The following RBFOX1 variants were observed in gnomAD, a reference collection of about 807,000 sequenced individuals.
RBFOX1 encodes RNA binding protein fox-1 homolog 1.
A neutral mutation model predicts 57.7 loss-of-function variants in RBFOX1; 8 were observed. The ratio of observed to expected loss-of-function variants is 0.14; its 90% CI spans 0.08 to 0.25. The LOEUF (loss-of-function observed/expected upper bound fraction) is 0.25. RBFOX1 is among the 10% of genes least tolerant of loss of function. RBFOX1 has a pLI of 1.00. For missense variants in RBFOX1, 611 were observed against 548.5 expected (o/e 1.11, Z -1.14); for synonymous variants, 326 against 222.4 (o/e 1.47, Z -4.15).
chr16:6,012,051 A>G (rs1472538579), intron 4 of RBFOX1, among the ~76,000 whole-genome samples: 1 of 152,224 alleles, frequency 6.6e-6, no homozygotes, highest in East Asian at 1.9e-4. Flanking sequence ...ACCCTGTGCC[A>G]GGCACAACGG....
At chr16:6,239,023 C>T (rs1383011356) in intron 1 of RBFOX1, among the ~76,000 whole-genome samples, 1 of 151,632 alleles carries the variant, frequency 6.6e-6, no homozygotes, top group East Asian at 1.9e-4. Context: ...TTTTTGTACC[C>T]ATTAACTTAT....
chr16:5,763,697 C>G (rs529403123), intron 3 of RBFOX1, among the ~76,000 whole-genome samples: 4 of 152,326 alleles, frequency 2.6e-5, no homozygotes, highest in African/African-American at 9.6e-5. Context: ...AGCGATTTAG[C>G]CCCAACGATC....
At chr16:6,265,387 G>A (rs935812211) in intron 1 of RBFOX1, among the ~76,000 whole-genome samples, 22 of 151,894 alleles carry the variant, frequency 1.4e-4, no homozygotes, top group African/African-American at 5.3e-4. Flanking sequence ...TCAGCCTCCC[G>A]AGTAGCTGGG....
intron 4 of RBFOX1, among the ~76,000 whole-genome samples, chr16:7,074,268 A>G (rs1319692109): frequency 1.3e-5 from 2 of 152,260 alleles, no homozygotes; most frequent in Non-Finnish European, 2.9e-5. Flanking sequence ...GGACATGATG[A>G]GTTCGCAGAT....
intron 4 of RBFOX1, among the ~76,000 whole-genome samples, chr16:7,323,624 A>C (rs1240211064): frequency 6.6e-6 from 1 of 152,144 alleles, no homozygotes; most frequent in Non-Finnish European, 1.5e-5. Flanking sequence ...TTCCCCTCTC[A>C]TGGTCTCAGT....
At chr16:7,095,086 T>G (rs1416326405) in intron 4 of RBFOX1, among the ~76,000 whole-genome samples, 2 of 152,164 alleles carry the variant, frequency 1.3e-5, no homozygotes, top group Non-Finnish European at 2.9e-5. Flanking sequence ...GTAATTTGTT[T>G]TAACTAGAAT....
intron 2 of RBFOX1, among the ~76,000 whole-genome samples, chr16:5,543,695 C>T (rs2045062769): frequency 6.6e-6 from 1 of 151,980 alleles, no homozygotes; most frequent in Non-Finnish European, 1.5e-5. Context: ...ACTCAATGAA[C>T]ACACAGAAGA....
chr16:6,028,991 G>T (rs1287594971), intron 1 of RBFOX1, among the ~76,000 whole-genome samples: 1 of 152,116 alleles, frequency 6.6e-6, no homozygotes, highest in Non-Finnish European at 1.5e-5. Flanking sequence ...CCATTTACTT[G>T]TCTATTAAAA....
chr16:6,578,600 T>TGC (rs2097483284), intron 2 of RBFOX1, among the ~76,000 whole-genome samples: 6 of 146,392 alleles, frequency 4.1e-5, no homozygotes, highest in South Asian at 2.3e-4. Flanking sequence ...TGTGTGTGCG[T>TGC]GTGTGTGTGT....
chr16:5,770,871 C>T (rs2053954927), intron 3 of RBFOX1, among the ~76,000 whole-genome samples: 1 of 152,218 alleles, frequency 6.6e-6, no homozygotes, highest in Non-Finnish European at 1.5e-5. Context: ...CTCTTTTTCT[C>T]TGAGCTGAGT....
At chr16:6,977,678 A>G (rs746637084) in intron 3 of RBFOX1, among the ~76,000 whole-genome samples, 9 of 152,202 alleles carry the variant, frequency 5.9e-5, no homozygotes, top group Non-Finnish European at 8.8e-5. Context: ...AGTGCCAAGC[A>G]CATTAGCACT....
chr16:7,499,895 G>GAA (rs781549159), intron 4 of RBFOX1, among the ~76,000 whole-genome samples: 24 of 140,256 alleles, frequency 1.7e-4, no homozygotes, highest in African/African-American at 6.0e-4. Context: ...GCAAAAAAAA[G>GAA]AAAAAAAAAA....
chr16:5,687,022 G>C (rs556938253), intron 3 of RBFOX1, among the ~76,000 whole-genome samples: 1 of 152,008 alleles, frequency 6.6e-6, no homozygotes, highest in Non-Finnish European at 1.5e-5. Context: ...TGCTGCGTTG[G>C]GATCTATTGC....
chr16:6,709,320 C>T (rs17141019), intron 3 of RBFOX1, among the ~76,000 whole-genome samples: 4,357 of 152,062 alleles, frequency 0.029, 216 homozygotes, highest in African/African-American at 0.098. Context: ...CTAAATTCTC[C>T]GAGATTAATT....
downstream of RBFOX1, among the ~76,000 whole-genome samples, chr16:5,600,940 C>G (rs543632905): frequency 2.6e-5 from 4 of 152,268 alleles, no homozygotes; most frequent in Admixed American, 1.3e-4. Flanking sequence ...AACCAAAACT[C>G]AAAGTAATTG....
At chr16:7,541,597 T>G (rs1777848307) in intron 5 of RBFOX1, among the ~76,000 whole-genome samples, 1 of 152,230 alleles carries the variant, frequency 6.6e-6, no homozygotes, top group South Asian at 2.1e-4. Flanking sequence ...TACCACTGTA[T>G]TCATGTAGGT....
At chr16:7,323,958 G>A (rs568871597) in intron 4 of RBFOX1, among the ~76,000 whole-genome samples, 12 of 152,294 alleles carry the variant, frequency 7.9e-5, no homozygotes, top group East Asian at 7.7e-4. Context: ...TGGATGGATG[G>A]TGTGTTGGTC....
At chr16:6,475,976 G>A (rs2095266188) in intron 2 of RBFOX1, among the ~76,000 whole-genome samples, 1 of 152,080 alleles carries the variant, frequency 6.6e-6, no homozygotes, top group African/African-American at 2.4e-5. Flanking sequence ...AGATGCTGGA[G>A]TTTTCCAGAA....
intron 3 of RBFOX1, among the ~76,000 whole-genome samples, chr16:6,924,964 T>G (rs1169787190): frequency 6.6e-6 from 1 of 151,520 alleles, no homozygotes; most frequent in African/African-American, 2.4e-5. Context: ...TGCGATAGTT[T>G]GCTGAGAATG....
Sources: allele counts gnomAD v4.1 joint callset (sites outside exome capture counted in the v4.1 genomes callset), GRCh38; gene constraint gnomAD v4.1.1; transcripts MANE v1.5; gene names NCBI Gene and HGNC (gene_info 2026-07-23, HGNC 2026-07-21).